Variants in LDLRAD4 observed in about 807,000 individuals in gnomAD.
LDLRAD4 encodes the protein low density lipoprotein receptor class A domain containing 4.
In LDLRAD4, 5 loss-of-function variants were observed where a neutral mutation model predicts 17.0. That is an observed-to-expected ratio of 0.29 (90% CI 0.15 to 0.62). LDLRAD4 has a LOEUF of 0.62. LDLRAD4 is among the 20% of genes least tolerant of loss of function. LDLRAD4 has a pLI of 0.84. For missense variants in LDLRAD4, 340 were observed against 424.7 expected (o/e 0.80, Z 1.75); for synonymous variants, 168 against 171.8 (o/e 0.98, Z 0.17).
In LDLRAD4 at chr18:13,337,049, A is replaced by T. The variant is rs772409919; in HGVS notation, c.-382-50292A>T. Among the ~76,000 whole-genome samples the T allele has an allele frequency of 3.9e-4, 59 of 152,148 alleles. 1 individual carries two copies. The highest frequency in any genetic ancestry group is 5.2e-4 in the Admixed American group (8 of 15,264). On this transcript the variant is annotated intron_variant, in intron 1 of 5. Transcript: ENST00000359446. ...TTCAAGAGATACTGTGATATGGAGA[A>T]GCTTCCAGGATGGCTTTCCAGGCTT...
intron 4 of LDLRAD4, among the ~76,000 whole-genome samples, chr18:13,633,412 C>G (rs1046369069): frequency 6.6e-6 from 1 of 152,204 alleles, no homozygotes; most frequent in African/African-American, 2.4e-5. Flanking sequence ...TGCCCAGGAG[C>G]CTGTCTGCCT....
intron 3 of LDLRAD4, among the ~76,000 whole-genome samples, chr18:13,525,638 G>A (rs530016842): frequency 6.6e-6 from 1 of 152,386 alleles, no homozygotes; most frequent in Admixed American, 6.5e-5. Context: ...AAAAGGCCCA[G>A]CCTCACTGGG....
At chr18:13,627,421 C>G (rs1229623259) in intron 4 of LDLRAD4, among the ~76,000 whole-genome samples, 1 of 152,150 alleles carries the variant, frequency 6.6e-6, no homozygotes, top group African/African-American at 2.4e-5. Context: ...TCACCTGTCT[C>G]TCGCTGGGGA....
intron 2 of LDLRAD4, among the ~76,000 whole-genome samples, chr18:13,395,673 G>A (rs1183398394): frequency 2.1e-5 from 2 of 96,502 alleles, no homozygotes; most frequent in African/African-American, 8.5e-5. Context: ...AGCTGGCGTG[G>A]GGGCGGGAGT....
chr18:13,347,054 G>A (rs1307995209), intron 1 of LDLRAD4, among the ~76,000 whole-genome samples: 1 of 152,274 alleles, frequency 6.6e-6, no homozygotes, highest in South Asian at 2.1e-4. Context: ...TTTAACTGGA[G>A]CATTTAGTTC....
In LDLRAD4 at chr18:13,305,014, T is replaced by G. The variant is rs116682372; in HGVS notation, c.-383+26826T>G. The stretch of plus-strand genomic sequence containing the variant: ...TGTGTGGGCCTACTTGTATACAGAT[T>G]TTTTTCAATAAATATATTGGAAATT... On this transcript the variant is annotated intron_variant, in intron 1 of 5. Coordinates refer to ENST00000359446, the Ensembl canonical transcript of LDLRAD4. 5.4e-3 allele frequency among the ~76,000 whole-genome samples: 819 copies of G among 152,218 alleles called. 6 individuals are homozygous for G. The highest frequency in any genetic ancestry group is 0.019 in the African/African-American group (776 of 41,532).
Position 13,386,952 on chromosome 18 carries a change from ATG to A in LDLRAD4, c.-382-388_-382-387del, listed in dbSNP as rs1568083110. On this transcript the variant is annotated intron_variant, in intron 1 of 5. Transcript: ENST00000359446. Reference sequence around the variant, plus strand: ...GATAGATAGATAGATAGATAGATGGATGGATGGATAGATAAGATAGATAGATA... The same window carrying A: ...GATAGATAGATAGATAGATAGATGGAGATGGATAGATAAGATAGATAGATA... Among the ~76,000 whole-genome samples the A allele has an allele frequency of 1.2e-3, 139 of 120,760 alleles. 1 individual carries two copies. Among genetic ancestry groups the A allele is most frequent in the African/African-American group, 5.1e-3 (126 of 24,834 alleles). 79.2% of individuals were successfully genotyped at this position (120,760 alleles called of 152,430 possible). A position where few individuals can be genotyped will look rare whatever the true frequency, so the allele number is the denominator to read the frequency against.
intron 3 of LDLRAD4, among the ~76,000 whole-genome samples, chr18:13,579,912 C>T (rs2094832467): frequency 6.6e-6 from 1 of 152,182 alleles, no homozygotes; most frequent in Non-Finnish European, 1.5e-5. Context: ...TGTCCCTTCT[C>T]AGCAGGGCTG....
chr18:13,453,218 G>C (rs190751086), intron 3 of LDLRAD4, among the ~76,000 whole-genome samples: 40 of 152,288 alleles, frequency 2.6e-4, no homozygotes, highest in African/African-American at 9.1e-4. Flanking sequence ...GCCTGTGGTT[G>C]CGTGCACGTG....
At chr18:13,624,646 G>C (rs902651964) in intron 4 of LDLRAD4, among the ~76,000 whole-genome samples, 1 of 152,194 alleles carries the variant, frequency 6.6e-6, no homozygotes. Context: ...CCCCATGCCT[G>C]GCCTGGCCCA....
At chr18:13,487,202 CT>C (rs1177781230) in intron 3 of LDLRAD4, 1 of 152,240 alleles carries the variant, frequency 6.6e-6, no homozygotes, top group Non-Finnish European at 1.5e-5. Context: ...CTTGCTGCCT[CT>C]CCAGGAAGTG....
chr18:13,231,110 C>T (rs2042049136), intron 1 of LDLRAD4, among the ~76,000 whole-genome samples: 1 of 152,182 alleles, frequency 6.6e-6, no homozygotes, highest in Non-Finnish European at 1.5e-5. Context: ...AGTGAAGGTT[C>T]TTTCCCTGCC....
intron 1 of LDLRAD4, among the ~76,000 whole-genome samples, chr18:13,342,103 A>G (rs1467314411): frequency 2.0e-5 from 3 of 152,102 alleles, no homozygotes; most frequent in African/African-American, 7.2e-5. Flanking sequence ...CGTATTGTAT[A>G]ATCCTTTTAA....
At position 13,437,054 on chromosome 18, in the gene LDLRAD4, C is replaced by G. The variant is rs528404551; in HGVS notation, c.41-1190C>G. ...GCCGCTGAGAGGCAGGCTGGGCTCTCATGGGGTAGCCCCACACATGGTTAG... is the reference window on the plus strand; with the variant it reads ...GCCGCTGAGAGGCAGGCTGGGCTCTGATGGGGTAGCCCCACACATGGTTAG... On this transcript the variant is annotated intron_variant, in intron 2 of 5. Coordinates refer to ENST00000359446, the Ensembl canonical transcript of LDLRAD4. Among the ~76,000 whole-genome samples, 15 of 152,382 alleles carry G rather than the reference C, an allele frequency of 9.8e-5. No homozygotes were observed. The South Asian group carries it at 3.1e-3, about 32-fold the overall frequency.
chr18:13,250,832 C>G (rs1242724033), intron 1 of LDLRAD4, among the ~76,000 whole-genome samples: 2 of 152,198 alleles, frequency 1.3e-5, no homozygotes, highest in African/African-American at 4.8e-5. Flanking sequence ...TCTTCTCAAA[C>G]TATTCCAAAT....
intron 3 of LDLRAD4, among the ~76,000 whole-genome samples, chr18:13,593,319 CAAAAAACA>C (rs2095051195): frequency 6.6e-6 from 1 of 151,984 alleles, no homozygotes; most frequent in Non-Finnish European, 1.5e-5. Flanking sequence ...TCTTAAAAAA[CAAAAAACA>C]AAAAACAAAA....
At chr18:13,222,722 G>A (rs971358582) in intron 1 of LDLRAD4, among the ~76,000 whole-genome samples, 3 of 152,216 alleles carry the variant, frequency 2.0e-5, no homozygotes, top group African/African-American at 7.2e-5. Flanking sequence ...AGAATCCAAG[G>A]AGCAACTCTG....
At chr18:13,237,877 C>T (rs2145616518) in intron 1 of LDLRAD4, among the ~76,000 whole-genome samples, 1 of 152,324 alleles carries the variant, frequency 6.6e-6, no homozygotes, top group South Asian at 2.1e-4. Flanking sequence ...GGGAATTTAG[C>T]ACCTTGTCTG....
intron 3 of LDLRAD4, among the ~76,000 whole-genome samples, chr18:13,508,447 G>A (rs1367366271): frequency 6.6e-6 from 1 of 152,190 alleles, no homozygotes; most frequent in Non-Finnish European, 1.5e-5. Flanking sequence ...TAGCTGGAGA[G>A]GTCAATGCCT....
Sources: gnomAD v4.1 joint callset for allele counts (sites outside exome capture counted in the v4.1 genomes callset) on GRCh38, gnomAD v4.1.1 for gene constraint, MANE v1.5 for transcripts, NCBI Gene and HGNC (gene_info 2026-07-23, HGNC 2026-07-21) for gene names.